RAD50: variants seen among roughly 807,000 people sequenced by gnomAD.
The protein encoded by RAD50 is DNA repair protein RAD50.
In RAD50, 132 loss-of-function variants were observed where a neutral mutation model predicts 168.8. The observed-to-expected ratio is 0.78, with a 90% CI of 0.68 to 0.90. The LOEUF is 0.90. Ranked by LOEUF, RAD50 falls within the 40% of genes least tolerant of loss-of-function variation. The pLI, the probability that RAD50 is intolerant of heterozygous loss-of-function variation, is 0.00. For synonymous variants in RAD50, 525 were observed against 497.4 expected (o/e 1.06, Z -0.74); for missense variants, 1,347 against 1,534.4 (o/e 0.88, Z 2.04).
intron 14 of RAD50, 87 bp downstream of exon 14, chr5:132,603,576 A>C (rs1310193138): frequency 7.3e-7 from 1 of 1,374,838 alleles, no homozygotes; most frequent in Non-Finnish European, 1.0e-6. Flanking sequence ...AGTAGCTAGT[A>C]TTCAGGTACA....
At chr5:132,603,799 G>T in intron 14 of RAD50, 121 bp from the exon 15 acceptor site, 1 of 998,678 alleles carries the variant, frequency 1.0e-6, no homozygotes, top group Non-Finnish European at 1.5e-6. Context: ...TGCTAAAATT[G>T]TATCTAGAAA....
chr5:132,602,427 G>A (rs1299450905), intron 13 of RAD50, among the ~76,000 whole-genome samples: 1 of 152,090 alleles, frequency 6.6e-6, no homozygotes, highest in African/African-American at 2.4e-5. Context: ...AAAAATAGTT[G>A]TCAGTACCTG....
At chr5:132,603,197 G>A in intron 13 of RAD50, 103 bp from the exon 14 acceptor site, 2 of 1,064,974 alleles carry the variant, frequency 1.9e-6, no homozygotes, top group Admixed American at 4.5e-5. Context: ...ACCCTGAAAA[G>A]AACACAATGT....
At chr5:132,595,956 A>G (rs988087572) in intron 13 of RAD50, 146 bp downstream of exon 13, 13 of 766,110 alleles carry the variant, frequency 1.7e-5, no homozygotes, top group African/African-American at 1.1e-4. Flanking sequence ...AGAAGATTCA[A>G]TTATTTTGTT....
rs368812705 is a variant in RAD50 at position 132,557,285 on chromosome 5, G to C, written c.-40G>C. ...GCTTCGGCCTCAGTTAAGCCTTTGT[G>C]GGCTCCAGGTCCCTGGTGAGATTAG... is the stretch of plus-strand genomic sequence containing the variant. On this transcript the variant is annotated 5_prime_UTR_variant, in exon 1 of 25. Coordinates refer to ENST00000378823, the MANE Select transcript of RAD50 (RefSeq NM_005732.4). 56 of 1,610,758 alleles carry C rather than the reference G, an allele frequency of 3.5e-5. No individual in the cohort carries two copies. The African/African-American group carries it at 6.8e-4, about 20-fold the overall frequency.
At chr5:132,586,126 C>G (rs1480840959) in intron 5 of RAD50, among the ~76,000 whole-genome samples, 2 of 152,082 alleles carry the variant, frequency 1.3e-5, no homozygotes, top group Non-Finnish European at 1.5e-5. Context: ...TGAGTTCTTA[C>G]AATTAAGTAT....
chr5:132,625,088 TC>T (rs1297468285), intron 21 of RAD50, among the ~76,000 whole-genome samples: 24 of 151,494 alleles, frequency 1.6e-4, no homozygotes, highest in Admixed American at 9.2e-4. Flanking sequence ...GATTTTGAAT[TC>T]TTTTTTTTTT....
chr5:132,645,966 T>C lies in RAD50; in HGVS notation c.*3602T>C, dbSNP rs2149869219. ...AGCAAGGCATGGTGGTGCACACCTG[T>C]AGTCTCAGCTACTTGGCTGAGATAG... is the stretch of plus-strand genomic sequence containing the variant. On this transcript the variant is annotated 3_prime_UTR_variant, in exon 25 of 25. Coordinates refer to ENST00000378823, the MANE Select transcript of RAD50 (RefSeq NM_005732.4). 1 of 152,176 alleles carries C rather than the reference T, an allele frequency of 6.6e-6. No homozygotes were observed. Among genetic ancestry groups the C allele is most frequent in the Admixed American group, 6.5e-5 (1 of 15,274 alleles). The allele number at this position is 152,176 out of a possible 1,614,324, so 9.4% of individuals were successfully genotyped here. A position where few individuals can be genotyped will look rare whatever the true frequency, so the allele number is the denominator to read the frequency against.
intron 1 of RAD50, among the ~76,000 whole-genome samples, chr5:132,558,605 G>A (rs977291233): frequency 4.6e-5 from 7 of 151,950 alleles, no homozygotes; most frequent in Non-Finnish European, 1.0e-4. Flanking sequence ...TAGCTACTGG[G>A]GAGGCCGAGG....
At position 132,583,788 on chromosome 5, in the gene RAD50, G is replaced by A. The variant is rs578197288; in HGVS notation, c.756+3722G>A. ...GGCTCACTGCAACCTCCGTCTCCCA[G>A]GTTCAAGCAATTCTCCTACCTCAGC... On this transcript the variant is annotated intron_variant, in intron 5 of 24. Coordinates refer to ENST00000378823, the MANE Select transcript of RAD50 (RefSeq NM_005732.4). Among the ~76,000 whole-genome samples the A allele has an allele frequency of 2.7e-5, 4 of 150,384 alleles. No homozygotes were observed. In the East Asian group the frequency reaches 7.8e-4, roughly 30 times the overall value.
At position 132,575,900 on chromosome 5, in the gene RAD50, A is replaced by G. The variant is rs1296665608; in HGVS notation, c.337A>G (p.Thr113Ala). Residue 113 changes from threonine (T) to alanine (A), a missense_variant, in exon 3 of 25, where the codon ACT becomes GCT. Physicochemically the swap from Thr to Ala is moderately conservative, Grantham distance 58. Around this residue, in one of 3 missense-constraint regions of RAD50, gnomAD observed 703 missense variants for 767.7 expected, o/e 0.92. Coordinates refer to ENST00000378823, the MANE Select transcript of RAD50 (RefSeq NM_005732.4). The stretch of plus-strand genomic sequence containing the variant: ...GAAAAGCAAAAAGACAGAATTTAAA[A>G]CTCTGGAAGGAGTCATTACTAGAAC... ...TQKSKKTEFKTLEGVITRTKH... is the reference protein window; with the variant it reads ...TQKSKKTEFKALEGVITRTKH... 1 of 1,610,778 alleles carries G rather than the reference A, an allele frequency of 6.2e-7. No individual in the cohort carries two copies. The highest frequency in any genetic ancestry group is 8.5e-7 in the Non-Finnish European group (1 of 1,177,250).
chr5:132,559,000 C>T (rs1750070950), intron 1 of RAD50, among the ~76,000 whole-genome samples: 1 of 152,098 alleles, frequency 6.6e-6, no homozygotes. Flanking sequence ...AACTGTTAGC[C>T]ATTCTTATTA....
chr5:132,608,583 T>C, intron 16 of RAD50, 32 bp from the exon 17 acceptor site: 1 of 1,463,266 alleles, frequency 6.8e-7, no homozygotes, highest in Non-Finnish European at 9.3e-7. Flanking sequence ...AATGGAATAT[T>C]ATATAATACT....
chr5:132,642,566 G>A lies in RAD50; in HGVS notation c.*202G>A, dbSNP rs994477991. ...TGGACAGATTGCCTGTTTCTGATTT[G>A]CTGCTCTTCATCCCATTCCAGGCAG... On this transcript the variant is annotated 3_prime_UTR_variant, in exon 25 of 25. Transcript: ENST00000378823. 1.6e-6 allele frequency: 1 copy of A among 614,832 alleles called. No homozygotes were observed. Among genetic ancestry groups the A allele is most frequent in the Non-Finnish European group, 2.8e-6 (1 of 357,886 alleles). The allele number at this position is 614,832 out of a possible 1,614,324, so 38.1% of individuals were successfully genotyped here.
intron 2 of RAD50, among the ~76,000 whole-genome samples, chr5:132,562,121 A>G (rs1170611289): frequency 6.6e-6 from 1 of 152,206 alleles, no homozygotes. Context: ...GTGTTCAAGG[A>G]ATGACAAGGA....
chr5:132,630,775 A>G (rs952541738), intron 21 of RAD50: 2 of 152,264 alleles, frequency 1.3e-5, no homozygotes, highest in African/African-American at 4.8e-5. Context: ...GAGAGAATCC[A>G]GTCATGGGTT....
rs143829407 is a variant in RAD50, at chr5:132,616,179, G to C, written c.3164+49G>C. On this transcript the variant is annotated intron_variant, in intron 20 of 24. Transcript: ENST00000378823. Reference sequence around the variant, plus strand: ...GTTTAAATAAACGTCTTTATTACTGGAATGTGAAGAATATTAAATACCTGT... The same window carrying C: ...GTTTAAATAAACGTCTTTATTACTGCAATGTGAAGAATATTAAATACCTGT... 3.8e-3 allele frequency: 5,973 copies of C among 1,557,982 alleles called. 30 individuals carry two copies. The highest frequency in any genetic ancestry group is 4.2e-3 in the Non-Finnish European group (4,753 of 1,134,558).
At position 132,589,721 on chromosome 5, in the gene RAD50, A is replaced by G. The variant is rs149217423; in HGVS notation, c.1336A>G (p.Lys446Glu). Reference sequence around the variant, plus strand: ...TGGACTGGGAAGAATAATTGAGTTAAAATCAGAAATCCTAAGTAAGAAGCA... The same window carrying G: ...TGGACTGGGAAGAATAATTGAGTTAGAATCAGAAATCCTAAGTAAGAAGCA... Reference protein sequence around the residue: ...KTGLGRIIELKSEILSKKQNE... With the variant: ...KTGLGRIIELESEILSKKQNE... Residue 446 changes from lysine to glutamate, a missense_variant, in exon 9 of 25, where the codon AAA (lysine) becomes GAA (glutamate). By Grantham distance (56) the Lys-to-Glu change is moderately conservative. Around this residue, in one of 3 missense-constraint regions of RAD50, gnomAD observed 703 missense variants for 767.7 expected, o/e 0.92. Coordinates refer to ENST00000378823, the MANE Select transcript of RAD50 (RefSeq NM_005732.4). 3.1e-4 allele frequency: 501 copies of G among 1,613,074 alleles called. No homozygotes were observed. Among genetic ancestry groups the G allele is most frequent in the Non-Finnish European group, 4.1e-4 (483 of 1,179,228 alleles).
chr5:132,571,078 T>A (rs1750295216), intron 2 of RAD50, among the ~76,000 whole-genome samples: 1 of 152,016 alleles, frequency 6.6e-6, no homozygotes, highest in Admixed American at 6.5e-5. Context: ...GTTAATGGAT[T>A]AAGTTCACCT....
Sources: gnomAD v4.1 joint callset for allele counts (sites outside exome capture counted in the v4.1 genomes callset) on GRCh38, gnomAD v4.1.1 for gene constraint, gnomAD v4.1.1 regional missense constraint, MANE v1.5 for transcripts, NCBI Gene and HGNC (gene_info 2026-07-23, HGNC 2026-07-21) for gene names.